PCDH15: variants seen among roughly 807,000 people sequenced by gnomAD.
The protein encoded by PCDH15 is protocadherin-15.
Under a neutral mutation model 178.5 loss-of-function variants are expected in PCDH15, and 129 were observed. That is an observed-to-expected ratio of 0.72 (90% CI 0.63 to 0.84). The LOEUF is 0.84. PCDH15 is among the 40% of genes least tolerant of loss of function. The probability of loss-of-function intolerance (pLI) is 0.00; values close to 1 mark genes in which losing one functional copy is unlikely to be tolerated. For missense variants in PCDH15, 2,230 were observed against 2,099.9 expected (o/e 1.06, Z -1.21); for synonymous variants, 800 against 732.0 (o/e 1.09, Z -1.50).
In PCDH15 at chr10:54,195,728, CA is replaced by C; in HGVS notation, c.1259del (p.Leu420Ter). 6.2e-7 allele frequency: 1 copy of C among 1,614,010 alleles called. No homozygotes were observed. The highest frequency in any genetic ancestry group is 8.5e-7 in the Non-Finnish European group (1 of 1,179,958). On this transcript the variant is annotated frameshift_variant, in exon 11 of 38. Coordinates refer to ENST00000644397, the MANE Select transcript of PCDH15 (RefSeq NM_001384140.1). LOFTEE classifies it high-confidence loss of function. Reference sequence around the variant, plus strand: ...GAGCTACTATTCTTAAAGGTGAAGTCAAATTGAGACTGTCCGAAATGGTTGC... The same window carrying C: ...GAGCTACTATTCTTAAAGGTGAAGTCAATTGAGACTGTCCGAAATGGTTGC... The part of the protein sequence containing the change: ...VGATISDSLN[L>X]TSPLRIVALD...
intron 1 of PCDH15, among the ~76,000 whole-genome samples, chr10:54,787,280 AC>A (rs1243675157): frequency 6.6e-6 from 1 of 151,740 alleles, no homozygotes; most frequent in Non-Finnish European, 1.5e-5. Flanking sequence ...GGAAAAAAAA[AC>A]AATTTTTACA....
chr10:53,925,284 C>T (rs1215655548), intron 25 of PCDH15, among the ~76,000 whole-genome samples: 1 of 151,698 alleles, frequency 6.6e-6, no homozygotes, highest in East Asian at 1.9e-4. Flanking sequence ...ATGAACAACT[C>T]CTGATGGGAG....
chr10:55,171,990 G>C (rs571895537), intron 1 of PCDH15, among the ~76,000 whole-genome samples: 9 of 151,990 alleles, frequency 5.9e-5, no homozygotes, highest in Admixed American at 5.9e-4. Flanking sequence ...AAATATGTTG[G>C]ATATTACATT....
At chr10:55,230,796 T>G (rs117447545) in intron 1 of PCDH15, among the ~76,000 whole-genome samples, 1 of 152,066 alleles carries the variant, frequency 6.6e-6, no homozygotes, top group Non-Finnish European at 1.5e-5. Flanking sequence ...TTGGAAAAAT[T>G]ATGGAAACCA....
At chr10:54,458,031 G>A (rs1028306052) in intron 3 of PCDH15, among the ~76,000 whole-genome samples, 2 of 152,150 alleles carry the variant, frequency 1.3e-5, no homozygotes, top group Non-Finnish European at 1.5e-5. Context: ...ACTGCCAAAT[G>A]AGACTCTATT....
Position 55,082,582 on chromosome 10 carries a change from GAAAA to G in PCDH15, c.-80+83990_-80+83993del, listed in dbSNP as rs35092419. ...GAGCAGAAATAGGTGAAATTGAAAT[GAAAA>G]AAAAAAAAACACGCAAAATATCAAC... is the stretch of plus-strand genomic sequence containing the variant. On this transcript the variant is annotated intron_variant, in intron 2 of 5. Coordinates refer to the PCDH15 transcript ENST00000458638. Among the ~76,000 whole-genome samples, 814 of 133,866 alleles carry G rather than the reference GAAAA, an allele frequency of 6.1e-3. 5 individuals are homozygous for G. Among genetic ancestry groups the G allele is most frequent in the South Asian group, 0.011 (50 of 4,408 alleles). The allele number at this position is 133,866 out of a possible 152,430, so 87.8% of individuals were successfully genotyped here. A position where few individuals can be genotyped will look rare whatever the true frequency, so the allele number is the denominator to read the frequency against.
At chr10:53,943,688 G>C (rs940219217) in intron 23 of PCDH15, among the ~76,000 whole-genome samples, 1 of 152,014 alleles carries the variant, frequency 6.6e-6, no homozygotes, top group Non-Finnish European at 1.5e-5. Flanking sequence ...AATTCTATTT[G>C]TTAGTAAATG....
intron 18 of PCDH15, among the ~76,000 whole-genome samples, chr10:54,064,616 C>G (rs1203591820): frequency 6.6e-6 from 1 of 152,144 alleles, no homozygotes. Context: ...GGCCTCCCTC[C>G]TATGTTCATT....
At chr10:53,880,115 T>C (rs1275824463) in intron 26 of PCDH15, among the ~76,000 whole-genome samples, 2 of 152,250 alleles carry the variant, frequency 1.3e-5, no homozygotes, top group African/African-American at 4.8e-5. Context: ...ACTTGTAATT[T>C]CTGAAAATTT....
At chr10:54,489,531 G>T (rs2079392253) in intron 3 of PCDH15, among the ~76,000 whole-genome samples, 1 of 152,204 alleles carries the variant, frequency 6.6e-6, no homozygotes, top group East Asian at 1.9e-4. Flanking sequence ...CCTTCTCTAA[G>T]ATAGTTTTGT....
At chr10:54,024,071 A>G (rs1363504515) in intron 18 of PCDH15, among the ~76,000 whole-genome samples, 1 of 152,186 alleles carries the variant, frequency 6.6e-6, no homozygotes, top group Non-Finnish European at 1.5e-5. Context: ...GTTTGATACC[A>G]TAATATACCT....
intron 1 of PCDH15, among the ~76,000 whole-genome samples, chr10:55,204,073 A>G (rs1006307108): frequency 6.7e-6 from 1 of 150,114 alleles, no homozygotes; most frequent in Non-Finnish European, 1.5e-5. Context: ...TAATTTATAA[A>G]CATTATATAT....
At chr10:55,374,180 A>C (rs1845569508) in intron 2 of PCDH15, among the ~76,000 whole-genome samples, 2 of 151,846 alleles carry the variant, frequency 1.3e-5, no homozygotes, top group Non-Finnish European at 2.9e-5. Context: ...TCTGTGCTGG[A>C]CTTGCTTTGT....
intron 2 of PCDH15, among the ~76,000 whole-genome samples, chr10:54,622,638 TATA>T (rs2093403336): frequency 2.4e-5 from 1 of 40,876 alleles, no homozygotes; most frequent in Non-Finnish European, 4.6e-5. Flanking sequence ...ATATATATTA[TATA>T]ATTATATATA....
chr10:54,453,979 T>C (rs2136329909), intron 3 of PCDH15, among the ~76,000 whole-genome samples: 1 of 152,058 alleles, frequency 6.6e-6, no homozygotes, highest in African/African-American at 2.4e-5. Context: ...TACACAGGAC[T>C]CTTCTTTCCA....
chr10:55,177,544 C>A (rs1839528074), intron 1 of PCDH15, among the ~76,000 whole-genome samples: 1 of 152,176 alleles, frequency 6.6e-6, no homozygotes, highest in African/African-American at 2.4e-5. Flanking sequence ...GCAGTGGTAA[C>A]TTTGCTGGTG....
intron 8 of PCDH15, among the ~76,000 whole-genome samples, chr10:54,314,067 A>G (rs1402510801): frequency 6.6e-6 from 1 of 151,966 alleles, no homozygotes. Context: ...GGAAACATAA[A>G]TTAATACTAA....
chr10:54,636,005 A>G (rs1356179523), intron 2 of PCDH15, among the ~76,000 whole-genome samples: 1 of 151,940 alleles, frequency 6.6e-6, no homozygotes, highest in African/African-American at 2.4e-5. Flanking sequence ...GACAGCCACT[A>G]TCATCATTTG....
Position 54,591,981 on chromosome 10 carries a change from T to C in PCDH15, c.92-64104A>G, listed in dbSNP as rs1402175503. ...AGGAATTTACAATGACAATGCTCCA[T>C]GGAATTTTCAATGACAATCAATGTT... On this transcript the variant is annotated intron_variant, in intron 2 of 37. Coordinates refer to ENST00000644397, the MANE Select transcript of PCDH15 (RefSeq NM_001384140.1). Among the ~76,000 whole-genome samples the C allele has an allele frequency of 2.0e-5, 3 of 152,218 alleles. No homozygotes were observed. In the East Asian group the frequency reaches 5.8e-4, roughly 30 times the overall value.
Sources: allele counts gnomAD v4.1 joint callset (sites outside exome capture counted in the v4.1 genomes callset), GRCh38; gene constraint gnomAD v4.1.1; transcripts MANE v1.5; gene names NCBI Gene and HGNC (gene_info 2026-07-23, HGNC 2026-07-21).